The following PUS10 variants were observed in gnomAD, a reference collection of about 807,000 sequenced individuals.
The protein encoded by PUS10 is tRNA pseudouridine synthase Pus10.
In PUS10, 59 loss-of-function variants were observed where a neutral mutation model predicts 75.0. The observed-to-expected ratio is 0.79, with a 90% CI of 0.64 to 0.98. PUS10 has a LOEUF of 0.98. PUS10 is among the 50% of genes least tolerant of loss of function. The pLI, the probability that PUS10 is intolerant of heterozygous loss-of-function variation, is 0.00. For missense variants in PUS10, 650 were observed against 614.4 expected, an observed-to-expected ratio of 1.06 and a Z score of -0.61; for synonymous variants, 219 against 211.6, an observed-to-expected ratio of 1.03 and a Z score of -0.30.
Position 60,940,329 on chromosome 2 carries a change from C to G in PUS10, c.*2066G>C, listed in dbSNP as rs550999984. The G allele has an allele frequency of 6.6e-6, 1 of 152,112 alleles. No homozygotes were observed. The highest frequency in any genetic ancestry group is 1.5e-5 in the Non-Finnish European group (1 of 67,964). The allele number at this position is 152,112 out of a possible 1,614,324, so 9.4% of individuals were successfully genotyped here. A position where few individuals can be genotyped will look rare whatever the true frequency, so the allele number is the denominator to read the frequency against. On this transcript the variant is annotated 3_prime_UTR_variant, in exon 18 of 18. Coordinates refer to ENST00000316752, the MANE Select transcript of PUS10 (RefSeq NM_144709.4). ...TATATTTGGGACTATATAAGAGATACTAAGAAGTACAAAGGGCTCTTTCTC... is the reference window on the plus strand; with the variant it reads ...TATATTTGGGACTATATAAGAGATAGTAAGAAGTACAAAGGGCTCTTTCTC...
Position 60,958,674 on chromosome 2 carries a change from G to T in PUS10, c.1000+1718C>A, listed in dbSNP as rs144338743. ...CAAGGCAGATGGATTGCTTGAGCTC[G>T]GGAGTTTGAGACTAGCCTTGGCAAC... On this transcript the variant is annotated intron_variant, in intron 11 of 17. Coordinates refer to ENST00000316752, the MANE Select transcript of PUS10 (RefSeq NM_144709.4). Among the ~76,000 whole-genome samples, 1,007 of 152,156 alleles carry T rather than the reference G, an allele frequency of 6.6e-3. 9 individuals are homozygous for T. The highest frequency in any genetic ancestry group is 0.023 in the African/African-American group (954 of 41,520).
intron 11 of PUS10, 31 bp downstream of exon 11, chr2:60,960,361 G>T: frequency 7.2e-5 from 85 of 1,182,484 alleles, no homozygotes; most frequent in Middle Eastern, 2.6e-4. Context: ...AAAAAAAAAA[G>T]AAAGAAAAGT....
intron 14 of PUS10, 106 bp downstream of exon 14, chr2:60,953,827 T>C: frequency 1.2e-6 from 1 of 810,830 alleles, no homozygotes; most frequent in Non-Finnish European, 2.1e-6. Context: ...TGTAGTTGTG[T>C]TGTTAAGAGT....
rs186818580 is a variant in PUS10 at position 60,941,252 on chromosome 2, T to C, written c.*1143A>G. 17 of 152,406 alleles carry C rather than the reference T, an allele frequency of 1.1e-4. No individual in the cohort carries two copies. Among genetic ancestry groups the C allele is most frequent in the Admixed American group, 9.1e-4 (14 of 15,304 alleles). 9.4% of individuals were successfully genotyped at this position (152,406 alleles called of 1,614,324 possible). On this transcript the variant is annotated 3_prime_UTR_variant, in exon 18 of 18. Transcript: ENST00000316752. ...AACTTAATAACAAATGGTAACTATA[T>C]AAGATTGTATTAAATAGTCTTGGGC...
At chr2:60,985,720 T>G (rs1182472718) in intron 4 of PUS10, among the ~76,000 whole-genome samples, 1 of 152,122 alleles carries the variant, frequency 6.6e-6, no homozygotes, top group Non-Finnish European at 1.5e-5. Context: ...AGGTTAGTCT[T>G]GAACTCCTGG....
intron 4 of PUS10, among the ~76,000 whole-genome samples, chr2:60,986,135 A>C (rs545039841): frequency 1.2e-4 from 19 of 152,184 alleles, no homozygotes; most frequent in Admixed American, 3.9e-4. Flanking sequence ...ACAATGCTTT[A>C]AATGTTTTAA....
chr2:60,994,689 C>T (rs1479960045), intron 4 of PUS10, among the ~76,000 whole-genome samples: 1 of 152,134 alleles, frequency 6.6e-6, no homozygotes, highest in Non-Finnish European at 1.5e-5. Flanking sequence ...TACCAAGAAT[C>T]CTTTCCCTAA....
intron 1 of PUS10, among the ~76,000 whole-genome samples, chr2:61,014,649 A>G (rs765895861): frequency 6.6e-6 from 1 of 152,222 alleles, no homozygotes; most frequent in South Asian, 2.1e-4. Flanking sequence ...TCAACTGCCC[A>G]TATTTTAGAA....
At chr2:60,967,256 G>A (rs994956404) in intron 6 of PUS10, 1 of 328,054 alleles carries the variant, frequency 3.0e-6, no homozygotes, top group Non-Finnish European at 5.6e-6. Flanking sequence ...AACCTTTTAA[G>A]GTCAATTAGG....
At chr2:60,948,365 C>T (rs1382125539) in intron 15 of PUS10, among the ~76,000 whole-genome samples, 180 bp from the exon 16 acceptor site, 1 of 152,132 alleles carries the variant, frequency 6.6e-6, no homozygotes, top group Non-Finnish European at 1.5e-5. Flanking sequence ...TCTATCATTA[C>T]TCATTTCACA....
At chr2:60,954,910 G>A (rs1675556049) in intron 12 of PUS10, 108 bp downstream of exon 12, 4 of 642,790 alleles carry the variant, frequency 6.2e-6, no homozygotes, top group South Asian at 2.5e-5. Context: ...AGAAGCTCTG[G>A]GCCTTGCTCA....
At chr2:60,988,944 G>A (rs1362180303) in intron 4 of PUS10, among the ~76,000 whole-genome samples, 1 of 151,992 alleles carries the variant, frequency 6.6e-6, no homozygotes, top group Non-Finnish European at 1.5e-5. Flanking sequence ...ACCTGGCCAG[G>A]CATGCGCTTT....
intron 2 of PUS10, among the ~76,000 whole-genome samples, chr2:61,011,307 A>G (rs1050869265): frequency 6.6e-6 from 1 of 152,212 alleles, no homozygotes; most frequent in Non-Finnish European, 1.5e-5. Flanking sequence ...AATAATGATG[A>G]TAAGCATTTA....
intron 4 of PUS10, among the ~76,000 whole-genome samples, chr2:61,004,317 G>T (rs1415107265): frequency 2.6e-5 from 4 of 152,002 alleles, no homozygotes; most frequent in East Asian, 3.9e-4. Context: ...AATAATAAAA[G>T]ACGGCAATAA....
rs556612902 is a variant in PUS10 at position 61,004,855 on chromosome 2, T to C, written c.468+1702A>G. Reference sequence around the variant, plus strand: ...TAGCACACTAAACTATGGAAACATATTAATTCTTCAATAATCAGAACAGTC... The same window carrying C: ...TAGCACACTAAACTATGGAAACATACTAATTCTTCAATAATCAGAACAGTC... On this transcript the variant is annotated intron_variant, in intron 4 of 17. Coordinates refer to ENST00000316752, the MANE Select transcript of PUS10 (RefSeq NM_144709.4). Among the ~76,000 whole-genome samples, 7 of 152,292 alleles carry C rather than the reference T, an allele frequency of 4.6e-5. No individual in the cohort carries two copies. The South Asian group carries it at 1.4e-3, about 32-fold the overall frequency.
intron 4 of PUS10, among the ~76,000 whole-genome samples, chr2:60,995,959 G>C (rs1678433988): frequency 6.6e-6 from 1 of 152,156 alleles, no homozygotes; most frequent in African/African-American, 2.4e-5. Context: ...GCTGGGTTCA[G>C]GCCAAGGAAA....
chr2:61,002,995 G>A (rs1678951635), intron 4 of PUS10, among the ~76,000 whole-genome samples: 1 of 152,200 alleles, frequency 6.6e-6, no homozygotes, highest in Non-Finnish European at 1.5e-5. Context: ...GTTTAAAGCT[G>A]TTCTGATTGA....
chr2:60,948,201 A>C lies in PUS10; in HGVS notation c.1309-16T>G, dbSNP rs779278686. On this transcript the variant is annotated splice_polypyrimidine_tract_variant and intron_variant, in intron 15 of 17. Coordinates refer to ENST00000316752, the MANE Select transcript of PUS10 (RefSeq NM_144709.4). ...TTTTTAAGTCCTAGGGGAGAATATG[A>C]CACACAGTCCCAGAGTCAGAGCTTT... is the stretch of plus-strand genomic sequence containing the variant. 6.2e-7 allele frequency: 1 copy of C among 1,613,674 alleles called. No individual in the cohort carries two copies. The highest frequency in any genetic ancestry group is 1.1e-5 in the South Asian group (1 of 91,068).
intron 1 of PUS10, among the ~76,000 whole-genome samples, chr2:61,015,660 C>T (rs1298932202): frequency 1.3e-5 from 2 of 152,180 alleles, no homozygotes; most frequent in Non-Finnish European, 2.9e-5. Flanking sequence ...AATCGTGCCA[C>T]TGTACTCCAG....
Sources: allele counts gnomAD v4.1 joint callset (sites outside exome capture counted in the v4.1 genomes callset), GRCh38; gene constraint gnomAD v4.1.1; transcripts MANE v1.5; gene names NCBI Gene and HGNC (gene_info 2026-07-23, HGNC 2026-07-21).